Variants in CCDC12 observed in about 807,000 individuals in gnomAD.
CCDC12 encodes coiled-coil domain containing 12, also known as coiled-coil domain-containing protein 12.
In CCDC12, 28 loss-of-function variants were observed where a neutral mutation model predicts 25.7. The ratio of observed to expected loss-of-function variants is 1.09; its 90% CI spans 0.81 to 1.50. CCDC12 has a LOEUF of 1.50. CCDC12 is among the 40% of genes most tolerant of loss of function. The probability of loss-of-function intolerance (pLI) is 0.00; values close to 1 mark genes in which losing one functional copy is unlikely to be tolerated. For synonymous variants in CCDC12, 75 were observed against 87.7 expected, an observed-to-expected ratio of 0.86 and a Z score of 0.81; for missense variants, 198 against 210.0, an observed-to-expected ratio of 0.94 and a Z score of 0.35.
rs201473436 is a variant in CCDC12 at position 46,976,637 on chromosome 3, C to T, written c.96G>A (p.Lys32=). Residue 32 remains lysine, a splice_region_variant and synonymous_variant, in exon 1 of 7, where the codon AAG becomes AAA. Transcript: ENST00000683445. The part of the protein sequence containing the change: ...LKALREKTGR[K]DKEDGEPKTK... ...GCGACCCTCACTCCACACTTCTCACCTTGCGCCCGGTTTTCTCCCGTAGGG... is the reference window on the plus strand; with the variant it reads ...GCGACCCTCACTCCACACTTCTCACTTTGCGCCCGGTTTTCTCCCGTAGGG... 1.0e-4 allele frequency: 169 copies of T among 1,610,156 alleles called. No individual in the cohort carries two copies. Among genetic ancestry groups the T allele is most frequent in the Non-Finnish European group, 1.4e-4 (160 of 1,178,270 alleles).
intron 1 of CCDC12, among the ~76,000 whole-genome samples, chr3:46,975,803 G>A (rs1371030917): frequency 2.8e-5 from 4 of 145,282 alleles, no homozygotes; most frequent in Non-Finnish European, 6.0e-5. Flanking sequence ...AGTACTGGGC[G>A]CGTGAGCCAC....
At chr3:46,959,089 A>G (rs1021215035) in intron 1 of CCDC12, among the ~76,000 whole-genome samples, 3 of 152,238 alleles carry the variant, frequency 2.0e-5, no homozygotes, top group African/African-American at 7.2e-5. Context: ...GTGATCTACA[A>G]GTGATAAAAA....
intron 1 of CCDC12, among the ~76,000 whole-genome samples, chr3:46,947,353 G>A (rs1011334096): frequency 5.9e-5 from 9 of 152,222 alleles, no homozygotes; most frequent in African/African-American, 1.9e-4. Context: ...CCATCCTCAG[G>A]GCCACTGCAG....
chr3:46,931,100 A>G (rs1165172813), intron 2 of CCDC12, among the ~76,000 whole-genome samples: 1 of 152,222 alleles, frequency 6.6e-6, no homozygotes, highest in African/African-American at 2.4e-5. Flanking sequence ...TGCCCAGCAG[A>G]GAGGGCAGGA....
Position 46,941,021 on chromosome 3 carries a change from C to T in CCDC12, c.141G>A (p.Glu47=). The change falls in exon 2 of 7, where the codon GAG becomes GAA. Residue 47 remains glutamate (E), a synonymous_variant. Transcript: ENST00000683445. The stretch of plus-strand genomic sequence containing the variant: ...ACCTGTGCTTCTCGCCTTCTTCCTC[C>T]TCTTCTCTGAGATGCTTGGTCTTTG... ...GEPKTKHLRE[E]EEEGEKHREL... The T allele has an allele frequency of 3.1e-6, 5 of 1,614,190 alleles. No homozygotes were observed. Among genetic ancestry groups the T allele is most frequent in the South Asian group, 1.1e-5 (1 of 91,076 alleles).
chr3:46,938,622 G>T (rs2033561155), intron 2 of CCDC12, among the ~76,000 whole-genome samples: 1 of 148,306 alleles, frequency 6.7e-6, no homozygotes, highest in African/African-American at 2.5e-5. Flanking sequence ...AGGCTGAAGT[G>T]GGTGGACTGC....
In CCDC12 at chr3:46,925,549, G is replaced by GA; in HGVS notation, c.165-15_165-14insT. On this transcript the variant is annotated splice_polypyrimidine_tract_variant and intron_variant, in intron 2 of 6. Coordinates refer to ENST00000683445, the MANE Select transcript of CCDC12 (RefSeq NM_001277074.2). ...AGCCTAAGTTCCCTGCAAGAATAGA[G>GA]GGAACAAGCAGAGATGAAGTCAGTG... 1 of 1,553,424 alleles carries GA rather than the reference G, an allele frequency of 6.4e-7. No homozygotes were observed. Among genetic ancestry groups the GA allele is most frequent in the Non-Finnish European group, 8.7e-7 (1 of 1,143,324 alleles).
chr3:46,927,141 G>A (rs1207391963), intron 2 of CCDC12, among the ~76,000 whole-genome samples: 2 of 152,184 alleles, frequency 1.3e-5, no homozygotes, highest in Non-Finnish European at 2.9e-5. Flanking sequence ...TGCGGGCGAT[G>A]GGGCAGTACC....
chr3:46,946,385 G>A (rs1420534305), intron 1 of CCDC12, among the ~76,000 whole-genome samples: 1 of 152,242 alleles, frequency 6.6e-6, no homozygotes, highest in African/African-American at 2.4e-5. Context: ...AGGTGTTGTC[G>A]GGGAAGGAAG....
rs33969115 is a variant in CCDC12, at chr3:46,962,434, C to CAAAAAA, written c.96+14197_96+14202dup. On this transcript the variant is annotated intron_variant, in intron 1 of 6. Transcript: ENST00000683445. Reference sequence around the variant, plus strand: ...GGGTAACAAGAGCAAAACTCTATCTCAAAAAAAAAAAAAAAAAAAAAATTT... The same window carrying CAAAAAA: ...GGGTAACAAGAGCAAAACTCTATCTCAAAAAAAAAAAAAAAAAAAAAAAAAAAATTT... 2.0e-3 allele frequency among the ~76,000 whole-genome samples: 124 copies of CAAAAAA among 62,908 alleles called. 1 individual carries two copies. Among genetic ancestry groups the CAAAAAA allele is most frequent in the African/African-American group, 5.0e-3 (76 of 15,254 alleles). 41.3% of individuals were successfully genotyped at this position (62,908 alleles called of 152,430 possible).
chr3:46,953,497 G>A (rs1463393), intron 1 of CCDC12, among the ~76,000 whole-genome samples: 55,768 of 151,802 alleles, frequency 0.37, 10,894 homozygotes, highest in Middle Eastern at 0.52. Context: ...AGTAACCAGA[G>A]GAACCTAGCT....
chr3:46,952,283 G>GCA lies in CCDC12; in HGVS notation c.97-11220_97-11219dup, dbSNP rs1375040028. On this transcript the variant is annotated intron_variant, in intron 1 of 6. Transcript: ENST00000683445. The stretch of plus-strand genomic sequence containing the variant: ...CTTCTGTTGTGTGAGCCTTCCAACA[G>GCA]CACCCACGTATTCGGTTATCACTAG... Among the ~76,000 whole-genome samples, 9 of 152,250 alleles carry GCA rather than the reference G, an allele frequency of 5.9e-5. No homozygotes were observed. The South Asian group carries it at 1.7e-3, about 28-fold the overall frequency.
At chr3:46,978,685 A>C (rs865789377), upstream of CCDC12, among the ~76,000 whole-genome samples, 152 of 152,078 alleles carry the variant, frequency 1.0e-3, no homozygotes, top group African/African-American at 3.3e-3. Flanking sequence ...CAGTTTCTCC[A>C]TCTGTAAAAC....
chr3:46,956,966 T>A (rs1396407403), intron 1 of CCDC12, among the ~76,000 whole-genome samples: 1 of 152,172 alleles, frequency 6.6e-6, no homozygotes, highest in African/African-American at 2.4e-5. Context: ...GTGTGTCCAA[T>A]GCACCATGTT....
chr3:46,958,675 G>A (rs1002115536), intron 1 of CCDC12, among the ~76,000 whole-genome samples: 6 of 152,150 alleles, frequency 3.9e-5, no homozygotes, highest in African/African-American at 1.4e-4. Context: ...GATAAGGGCA[G>A]GGCAAAGGTT....
chr3:46,951,199 G>C (rs1042348239), intron 1 of CCDC12, among the ~76,000 whole-genome samples: 1 of 152,082 alleles, frequency 6.6e-6, no homozygotes, highest in Non-Finnish European at 1.5e-5. Flanking sequence ...GACTAGATGG[G>C]TGGTTACAGA....
At chr3:46,939,504 T>C (rs2033607562) in intron 2 of CCDC12, among the ~76,000 whole-genome samples, 1 of 151,996 alleles carries the variant, frequency 6.6e-6, no homozygotes, top group Non-Finnish European at 1.5e-5. Flanking sequence ...TACCACAGAA[T>C]GGGGGAAACT....
At chr3:46,934,787 A>T (rs1481590075) in intron 2 of CCDC12, among the ~76,000 whole-genome samples, 7 of 152,232 alleles carry the variant, frequency 4.6e-5, no homozygotes, top group Non-Finnish European at 7.3e-5. Flanking sequence ...CTTCAGCAGG[A>T]GATCTCCACT....
rs374567372 is a variant in CCDC12 at position 46,924,575 on chromosome 3, T to G, written c.244+881A>C. ...AAGTTGATAACAAGGCAAGGCACAG[T>G]GGCTCACACCTGGAATCCCAGCACT... On this transcript the variant is annotated intron_variant, in intron 3 of 6. Transcript: ENST00000683445. Among the ~76,000 whole-genome samples the G allele has an allele frequency of 7.9e-5, 12 of 152,382 alleles. No homozygotes were observed. The East Asian group carries it at 2.1e-3, about 27-fold the overall frequency.
Sources: gnomAD v4.1 joint callset for allele counts (sites outside exome capture counted in the v4.1 genomes callset) on GRCh38, gnomAD v4.1.1 for gene constraint, MANE v1.5 for transcripts, NCBI Gene and HGNC (gene_info 2026-07-23, HGNC 2026-07-21) for gene names.